Variants in FOXP2 observed in about 807,000 individuals in gnomAD.
FOXP2 encodes forkhead box protein P2.
A neutral mutation model predicts 115.8 loss-of-function variants in FOXP2; 12 were observed. The observed-to-expected ratio is 0.10, with a 90% CI of 0.07 to 0.17. The LOEUF (loss-of-function observed/expected upper bound fraction) is 0.17, where lower values mean the gene tolerates loss of function less well. Ranked by LOEUF, FOXP2 falls within the 10% of genes least tolerant of loss-of-function variation. The pLI is 1.00. For missense variants in FOXP2, 629 were observed against 843.5 expected (o/e 0.75, Z 3.15); for synonymous variants, 328 against 297.7 (o/e 1.10, Z -1.05).
At chr7:114,379,691 G>C (rs1792233407) in intron 2 of FOXP2, among the ~76,000 whole-genome samples, 1 of 152,132 alleles carries the variant, frequency 6.6e-6, no homozygotes, top group African/African-American at 2.4e-5. Flanking sequence ...TTAACAAGGA[G>C]GTTAAAGATA....
chr7:114,470,021 A>T (rs1044015860), intron 2 of FOXP2, among the ~76,000 whole-genome samples: 1 of 152,220 alleles, frequency 6.6e-6, no homozygotes, highest in Admixed American at 6.5e-5. Context: ...AGGAGTTTAT[A>T]GGTAAAATGG....
Position 114,691,906 on chromosome 7 carries a change from C to A in FOXP2, c.*1980C>A. 2.3e-6 allele frequency: 1 copy of A among 440,132 alleles called. No homozygotes were observed. Among genetic ancestry groups the A allele is most frequent in the South Asian group, 1.6e-5 (1 of 63,420 alleles). The allele number at this position is 440,132 out of a possible 1,614,324, so 27.3% of individuals were successfully genotyped here. ...AGGGTTTTCCCACTTACCCAAAAGG[C>A]TTTCTGAAAGCTTCTACCTCTGCAA... On this transcript the variant is annotated 3_prime_UTR_variant, in exon 17 of 17. Coordinates refer to ENST00000350908, the MANE Select transcript of FOXP2 (RefSeq NM_014491.4).
In FOXP2 at chr7:114,176,261, TCC is replaced by T. The variant is rs1491259394; in HGVS notation, c.-102+13175_-102+13176del. ...CTTTCTTTCTTTCTCTCTCTCTCTT[TCC>T]CTTTCTTTCTTTCTTTCTTTCTTTC... On this transcript the variant is annotated intron_variant, in intron 1 of 17. Coordinates refer to the FOXP2 transcript ENST00000634411. 2.0e-3 allele frequency among the ~76,000 whole-genome samples: 298 copies of T among 146,324 alleles called. 3 individuals are homozygous for T. Among genetic ancestry groups the T allele is most frequent in the African/African-American group, 7.5e-3 (280 of 37,130 alleles).
intron 3 of FOXP2, among the ~76,000 whole-genome samples, chr7:114,538,575 G>A (rs550752337): frequency 6.6e-6 from 1 of 151,634 alleles, no homozygotes; most frequent in African/African-American, 2.4e-5. Context: ...TAAACTTGGG[G>A]GTCTTATTCT....
intron 3 of FOXP2, among the ~76,000 whole-genome samples, chr7:114,609,516 C>T (rs1249614253): frequency 6.6e-6 from 1 of 152,090 alleles, no homozygotes; most frequent in African/African-American, 2.4e-5. Context: ...TTGTAAAATT[C>T]TTTTCGAGCA....
chr7:114,112,738 C>T (rs928007695), intron 1 of FOXP2, among the ~76,000 whole-genome samples: 6 of 152,102 alleles, frequency 3.9e-5, no homozygotes, highest in Admixed American at 1.3e-4. Context: ...AAAGGAACAC[C>T]GGTGGGAAAC....
chr7:114,154,616 C>T (rs60765387), intron 1 of FOXP2, among the ~76,000 whole-genome samples: 5,103 of 152,064 alleles, frequency 0.034, 247 homozygotes, highest in African/African-American at 0.11. Context: ...TTATAAAAAG[C>T]ATTGTCTGTG....
intron 1 of FOXP2, among the ~76,000 whole-genome samples, chr7:114,148,254 T>C (rs1397288474): frequency 6.6e-6 from 1 of 152,230 alleles, no homozygotes; most frequent in Non-Finnish European, 1.5e-5. Context: ...TAAACTCTAT[T>C]GAGTCTTCTC....
At chr7:114,454,881 AG>A (rs1795234014) in intron 2 of FOXP2, among the ~76,000 whole-genome samples, 1 of 90,360 alleles carries the variant, frequency 1.1e-5, no homozygotes, top group African/African-American at 4.3e-5. Context: ...GGGTGGGGGG[AG>A]GGGGGAGGGA....
chr7:114,580,302 G>T (rs1801781925), intron 3 of FOXP2, among the ~76,000 whole-genome samples: 2 of 152,204 alleles, frequency 1.3e-5, no homozygotes, highest in African/African-American at 4.8e-5. Context: ...AGAAGGACGG[G>T]CACGGTGGCT....
intron 1 of FOXP2, among the ~76,000 whole-genome samples, chr7:114,164,278 T>C (rs1458753563): frequency 1.3e-5 from 2 of 152,134 alleles, no homozygotes; most frequent in Middle Eastern, 3.2e-3. Context: ...ACTTAGATGT[T>C]CAGTTCAAAA....
intron 2 of FOXP2, among the ~76,000 whole-genome samples, chr7:114,454,472 G>T (rs1202179514): frequency 6.6e-6 from 1 of 151,668 alleles, no homozygotes; most frequent in African/African-American, 2.4e-5. Flanking sequence ...GATTCCTCAG[G>T]GATCTAGAAC....
chr7:114,496,918 A>G (rs1038011286), intron 2 of FOXP2, among the ~76,000 whole-genome samples: 3 of 152,162 alleles, frequency 2.0e-5, no homozygotes, highest in African/African-American at 7.2e-5. Context: ...CAGTGGACTT[A>G]CTAAATATTT....
At chr7:114,689,338 A>T (rs1808537735) in intron 16 of FOXP2, among the ~76,000 whole-genome samples, 1 of 152,162 alleles carries the variant, frequency 6.6e-6, no homozygotes, top group South Asian at 2.1e-4. Context: ...AAAAATAGAA[A>T]TAAAATTGTT....
chr7:114,667,484 A>G (rs988775064), intron 16 of FOXP2: 5 of 152,136 alleles, frequency 3.3e-5, no homozygotes, highest in Non-Finnish European at 5.9e-5. Flanking sequence ...TAGGTAGCAC[A>G]TTACCTATAT....
At chr7:114,558,357 C>T (rs1214576251) in intron 3 of FOXP2, among the ~76,000 whole-genome samples, 1 of 152,136 alleles carries the variant, frequency 6.6e-6, no homozygotes, top group Non-Finnish European at 1.5e-5. Flanking sequence ...CCAGATATGT[C>T]AGAAATCTTT....
chr7:114,541,494 C>A (rs1252491621), intron 3 of FOXP2, among the ~76,000 whole-genome samples: 6 of 152,024 alleles, frequency 3.9e-5, no homozygotes, highest in Admixed American at 3.9e-4. Context: ...TTTGCATAAA[C>A]ACTGTTTAGT....
chr7:114,529,014 C>A (rs1799011172), intron 2 of FOXP2, among the ~76,000 whole-genome samples: 1 of 151,822 alleles, frequency 6.6e-6, no homozygotes, highest in African/African-American at 2.4e-5. Flanking sequence ...GGACGGAATT[C>A]ATTAATATGT....
intron 2 of FOXP2, among the ~76,000 whole-genome samples, chr7:114,532,490 G>T (rs956813711): frequency 6.6e-6 from 1 of 151,808 alleles, no homozygotes; most frequent in Non-Finnish European, 1.5e-5. Flanking sequence ...ATACACTCAG[G>T]CCTGGAAGCC....
Sources: allele counts gnomAD v4.1 joint callset (sites outside exome capture counted in the v4.1 genomes callset), GRCh38; gene constraint gnomAD v4.1.1; transcripts MANE v1.5; gene names NCBI Gene and HGNC (gene_info 2026-07-23, HGNC 2026-07-21).